PCED1B: variants seen among roughly 807,000 people sequenced by gnomAD.
The protein encoded by PCED1B is PC-esterase domain containing 1B.
For synonymous variants in PCED1B, 251 were observed against 246.1 expected (o/e 1.02, Z -0.19); for missense variants, 573 against 573.9 (o/e 1.00, Z 0.02).
rs769125450 is a variant in PCED1B at position 47,235,528 on chromosome 12, C to G, written c.465C>G (p.Pro155=). The change falls in exon 4 of 4, where the codon CCC becomes CCG. Residue 155 remains proline, a synonymous_variant. Transcript: ENST00000546455. ...NLFQCLGQVL[P]ESCLLVWNTA... ...TCCAGTGCCTGGGCCAGGTGCTGCC[C>G]GAGTCTTGCCTCCTGGTGTGGAACA... is the stretch of plus-strand genomic sequence containing the variant. The G allele has an allele frequency of 1.9e-6, 3 of 1,611,238 alleles. No individual in the cohort carries two copies. Among genetic ancestry groups the G allele is most frequent in the East Asian group, 4.5e-5 (2 of 44,818 alleles).
intron 2 of PCED1B, among the ~76,000 whole-genome samples, chr12:47,202,455 A>G (rs1942790317): frequency 6.6e-6 from 1 of 152,152 alleles, no homozygotes; most frequent in African/African-American, 2.4e-5. Flanking sequence ...AGAACTTTGT[A>G]TCTCTAGTTC....
At chr12:47,195,150 G>A (rs555665601) in intron 2 of PCED1B, among the ~76,000 whole-genome samples, 3 of 152,114 alleles carry the variant, frequency 2.0e-5, no homozygotes, top group Admixed American at 2.0e-4. Flanking sequence ...CCAACAAGGC[G>A]AAATTCCGTC....
intron 1 of PCED1B, among the ~76,000 whole-genome samples, chr12:47,089,793 A>T (rs1340935281): frequency 2.0e-5 from 3 of 150,660 alleles, no homozygotes; most frequent in Non-Finnish European, 4.4e-5. Context: ...TCTTTTTTTG[A>T]GACAGAGCCT....
Position 47,235,871 on chromosome 12 carries a change from A to G in PCED1B, c.808A>G (p.Lys270Glu). ...HPVGEWIKKK[K>E]PGPRVEGPPQ... ...CGTGGGCGAGTGGATCAAGAAGAAA[A>G]AACCTGGCCCGAGAGTCGAAGGGCC... is the stretch of plus-strand genomic sequence containing the variant. Residue 270 changes from lysine to glutamate, a missense_variant, in exon 4 of 4, where the codon AAA (lysine) becomes GAA (glutamate). Physicochemically the swap from Lys to Glu is moderately conservative, Grantham distance 56. Transcript: ENST00000546455. The G allele has an allele frequency of 6.3e-7, 1 of 1,582,868 alleles. No homozygotes were observed. The highest frequency in any genetic ancestry group is 8.6e-7 in the Non-Finnish European group (1 of 1,164,834).
intron 2 of PCED1B, among the ~76,000 whole-genome samples, chr12:47,192,666 CATT>C (rs1942482822): frequency 6.6e-6 from 1 of 152,202 alleles, no homozygotes; most frequent in Admixed American, 6.5e-5. Flanking sequence ...TTTGATACAT[CATT>C]GAGTCCATCA....
intron 2 of PCED1B, among the ~76,000 whole-genome samples, chr12:47,130,926 A>G (rs531828931): frequency 1.3e-4 from 20 of 152,338 alleles, no homozygotes; most frequent in African/African-American, 4.6e-4. Context: ...GCTATTTACA[A>G]TTAACGAAGA....
At chr12:47,214,038 C>T (rs1943173893) in intron 2 of PCED1B, among the ~76,000 whole-genome samples, 1 of 152,084 alleles carries the variant, frequency 6.6e-6, no homozygotes, top group Non-Finnish European at 1.5e-5. Flanking sequence ...TATAGAATTG[C>T]TAGAACTAAA....
At chr12:47,174,485 A>T (rs1468829671) in intron 2 of PCED1B, among the ~76,000 whole-genome samples, 1 of 152,056 alleles carries the variant, frequency 6.6e-6, no homozygotes, top group Non-Finnish European at 1.5e-5. Context: ...AGGGGAATCA[A>T]ATTAAGCTCT....
At chr12:47,183,347 T>C (rs940816761) in intron 2 of PCED1B, among the ~76,000 whole-genome samples, 3 of 152,212 alleles carry the variant, frequency 2.0e-5, no homozygotes, top group African/African-American at 4.8e-5. Context: ...TAGTGCCTGA[T>C]AGAAAATTAC....
chr12:47,226,944 C>A (rs1943649764), intron 3 of PCED1B, among the ~76,000 whole-genome samples: 1 of 151,882 alleles, frequency 6.6e-6, no homozygotes, highest in African/African-American at 2.4e-5. Context: ...GTTTATGTCT[C>A]CAAATTATTC....
At chr12:47,135,302 AT>A (rs1940307045) in intron 2 of PCED1B, among the ~76,000 whole-genome samples, 1 of 152,058 alleles carries the variant, frequency 6.6e-6, no homozygotes. Context: ...TTTTATTTTT[AT>A]TTTTATTTTT....
intron 3 of PCED1B, among the ~76,000 whole-genome samples, chr12:47,217,000 G>T (rs1246924797): frequency 6.6e-6 from 1 of 152,158 alleles, no homozygotes; most frequent in African/African-American, 2.4e-5. Context: ...TGACCACAAA[G>T]GCTTGGCATC....
chr12:47,114,249 C>G (rs1917660), intron 2 of PCED1B, among the ~76,000 whole-genome samples: 1 of 151,936 alleles, frequency 6.6e-6, no homozygotes, highest in Non-Finnish European at 1.5e-5. Flanking sequence ...CACACCAAAC[C>G]TGCAAGTTGG....
intron 2 of PCED1B, among the ~76,000 whole-genome samples, chr12:47,198,235 C>A (rs564711967): frequency 6.6e-6 from 1 of 152,104 alleles, no homozygotes; most frequent in African/African-American, 2.4e-5. Flanking sequence ...CAGGGTGGTT[C>A]AATTGATTTG....
chr12:47,108,903 T>A (rs1168653018), intron 2 of PCED1B, among the ~76,000 whole-genome samples: 2 of 152,210 alleles, frequency 1.3e-5, no homozygotes, highest in Non-Finnish European at 2.9e-5. Context: ...ATAGTAATAA[T>A]TTTACAAGTA....
chr12:47,114,983 T>C (rs998700122), intron 2 of PCED1B, among the ~76,000 whole-genome samples: 5 of 152,236 alleles, frequency 3.3e-5, no homozygotes, highest in African/African-American at 1.2e-4. Flanking sequence ...CCAAAGTTGG[T>C]ATCTTTTTCA....
At chr12:47,155,330 A>G (rs148498328) in intron 2 of PCED1B, among the ~76,000 whole-genome samples, 2 of 152,360 alleles carry the variant, frequency 1.3e-5, no homozygotes, top group Non-Finnish European at 2.9e-5. Flanking sequence ...AGTCACTGCC[A>G]ATTAAATATG....
chr12:47,128,662 G>A (rs74999542), intron 2 of PCED1B, among the ~76,000 whole-genome samples: 1 of 152,084 alleles, frequency 6.6e-6, no homozygotes, highest in Middle Eastern at 3.2e-3. Flanking sequence ...TAAAATAAAA[G>A]AACATGTTTA....
At chr12:47,142,412 T>G (rs1029717404) in intron 2 of PCED1B, among the ~76,000 whole-genome samples, 1 of 151,988 alleles carries the variant, frequency 6.6e-6, no homozygotes, top group Non-Finnish European at 1.5e-5. Context: ...GCTACACAAA[T>G]CATGAAGAAT....
Sources: gnomAD v4.1 joint callset for allele counts (sites outside exome capture counted in the v4.1 genomes callset) on GRCh38, gnomAD v4.1.1 for gene constraint, MANE v1.5 for transcripts, NCBI Gene and HGNC (gene_info 2026-07-23, HGNC 2026-07-21) for gene names.